Variants in TMEM154 observed in about 807,000 individuals in gnomAD.
TMEM154 encodes transmembrane protein 154.
TMEM154 carries 27 observed loss-of-function variants against 24.5 expected under a neutral mutation model. The ratio of observed to expected loss-of-function variants is 1.10; its 90% CI spans 0.81 to 1.52. The LOEUF is 1.52. TMEM154 is among the 40% of genes most tolerant of loss of function. The pLI is 0.00. For synonymous variants in TMEM154, 67 were observed against 76.8 expected, an observed-to-expected ratio of 0.87 and a Z score of 0.67; for missense variants, 228 against 213.4, an observed-to-expected ratio of 1.07 and a Z score of -0.43.
At chr4:152,633,234 C>T (rs1428166450) in intron 6 of TMEM154, among the ~76,000 whole-genome samples, 1 of 152,168 alleles carries the variant, frequency 6.6e-6, no homozygotes, top group African/African-American at 2.4e-5. Context: ...GCTCTGTGGA[C>T]CGTGAGCAAC....
intron 1 of TMEM154, among the ~76,000 whole-genome samples, chr4:152,659,982 G>A (rs1266649701): frequency 6.6e-6 from 1 of 152,086 alleles, no homozygotes; most frequent in African/African-American, 2.4e-5. Flanking sequence ...TTGTGGCCAC[G>A]GTTGACCATG....
Position 152,652,663 on chromosome 4 carries a change from T to A in TMEM154, c.325+4A>T. On this transcript the variant is annotated splice_donor_region_variant and intron_variant, in intron 2 of 6. Transcript: ENST00000304385. The stretch of plus-strand genomic sequence containing the variant: ...CTGGAAATGGAAATACACCAAATAT[T>A]TACCTTGTTTAGTTCTTTTTCTTTT... 6.2e-7 allele frequency: 1 copy of A among 1,613,428 alleles called. No individual in the cohort carries two copies. The highest frequency in any genetic ancestry group is 1.1e-5 in the South Asian group (1 of 90,932).
chr4:152,651,223 T>C (rs1289911191), intron 3 of TMEM154, among the ~76,000 whole-genome samples: 3 of 151,274 alleles, frequency 2.0e-5, no homozygotes, highest in African/African-American at 7.3e-5. Flanking sequence ...GGTTTCACCA[T>C]GTTAGCCAGG....
intron 1 of TMEM154, among the ~76,000 whole-genome samples, chr4:152,660,865 GA>G (rs1728588050): frequency 6.6e-6 from 1 of 152,200 alleles, no homozygotes; most frequent in African/African-American, 2.4e-5. Flanking sequence ...TGCGTTGCCA[GA>G]AAAGCTGCCC....
intron 1 of TMEM154, among the ~76,000 whole-genome samples, chr4:152,657,192 AAG>A (rs1728508500): frequency 6.7e-6 from 1 of 149,050 alleles, no homozygotes; most frequent in Non-Finnish European, 1.5e-5. Context: ...CAAGAAGGCA[AAG>A]AGAAAATGAG....
chr4:152,668,926 G>C (rs963865279), intron 1 of TMEM154: 3 of 152,176 alleles, frequency 2.0e-5, no homozygotes, highest in Non-Finnish European at 4.4e-5. Flanking sequence ...AAGCAACTGG[G>C]CTTCTGGTCC....
intron 5 of TMEM154, 28 bp downstream of exon 5, chr4:152,643,058 GAA>G: frequency 1.3e-6 from 2 of 1,554,216 alleles, no homozygotes; most frequent in Non-Finnish European, 1.8e-6. Flanking sequence ...AGAGAGGAAA[GAA>G]AAAAAACAAC....
At chr4:152,678,436 T>A (rs565444693) in intron 1 of TMEM154, among the ~76,000 whole-genome samples, 2 of 150,744 alleles carry the variant, frequency 1.3e-5, no homozygotes, top group South Asian at 4.2e-4. Flanking sequence ...ATAGAAGAGG[T>A]GGAAGGAGGA....
chr4:152,634,698 A>G (rs890964687), intron 6 of TMEM154, among the ~76,000 whole-genome samples: 2 of 152,296 alleles, frequency 1.3e-5, no homozygotes, highest in Admixed American at 1.3e-4. Context: ...TGTTTTAATA[A>G]TATTATTTGA....
In TMEM154 at chr4:152,634,031, CAAAAAAAAAAAAAA is replaced by C. The variant is rs1167923301; in HGVS notation, c.537-5484_537-5471del. 2.9e-4 allele frequency among the ~76,000 whole-genome samples: 6 copies of C among 20,402 alleles called. No individual in the cohort carries two copies. In the East Asian group the frequency reaches 6.6e-3, roughly 23 times the overall value. 13.4% of individuals were successfully genotyped at this position (20,402 alleles called of 152,430 possible). ...TGGGCAAGAGAGTGAGACCCCATCTCAAAAAAAAAAAAAAAAAAAAAAAAAAGAAAGTGGAACAC... is the reference window on the plus strand; with the variant it reads ...TGGGCAAGAGAGTGAGACCCCATCTCAAAAAAAAAAAAGAAAGTGGAACAC... On this transcript the variant is annotated intron_variant, in intron 6 of 6. Transcript: ENST00000304385.
At chr4:152,666,079 G>T (rs1327152874) in intron 1 of TMEM154, among the ~76,000 whole-genome samples, 1 of 152,066 alleles carries the variant, frequency 6.6e-6, no homozygotes, top group African/African-American at 2.4e-5. Context: ...GAGCCACCAA[G>T]TCCTACCAGA....
chr4:152,629,966 C>A (rs1256207764), intron 6 of TMEM154, among the ~76,000 whole-genome samples: 2 of 151,944 alleles, frequency 1.3e-5, no homozygotes, highest in African/African-American at 4.8e-5. Flanking sequence ...GAGAGAAGAA[C>A]AATGGGAAAG....
intron 1 of TMEM154, among the ~76,000 whole-genome samples, chr4:152,677,610 G>A (rs1228772010): frequency 1.3e-5 from 2 of 152,134 alleles, no homozygotes; most frequent in African/African-American, 4.8e-5. Flanking sequence ...TTATTCAACA[G>A]CTTTTTGCAA....
At position 152,619,828 on chromosome 4, in the gene TMEM154, A is replaced by G. The variant is rs1579501791; in HGVS notation, c.*8718T>C. On this transcript the variant is annotated 3_prime_UTR_variant, in exon 7 of 7. Transcript: ENST00000304385. ...CTGCCCAGCCAATGCCGTGTGGGAG[A>G]GAGTTGAACCATTTGCACTGAGCCT... 6.6e-6 allele frequency: 1 copy of G among 152,184 alleles called. No individual in the cohort carries two copies. Among genetic ancestry groups the G allele is most frequent in the Non-Finnish European group, 1.5e-5 (1 of 68,036 alleles). 9.4% of individuals were successfully genotyped at this position (152,184 alleles called of 1,614,324 possible). A position where few individuals can be genotyped will look rare whatever the true frequency, so the allele number is the denominator to read the frequency against.
chr4:152,657,939 G>A (rs1333147175), intron 1 of TMEM154, among the ~76,000 whole-genome samples: 1 of 152,054 alleles, frequency 6.6e-6, no homozygotes, highest in East Asian at 1.9e-4. Flanking sequence ...AAAGCTGAGG[G>A]AATTCGTTAC....
intron 1 of TMEM154, among the ~76,000 whole-genome samples, chr4:152,677,351 T>A (rs1020404538): frequency 2.0e-5 from 3 of 152,168 alleles, no homozygotes; most frequent in African/African-American, 7.2e-5. Flanking sequence ...AATAAAGGCT[T>A]AATTTGAGAT....
chr4:152,638,535 A>G (rs984359419), intron 6 of TMEM154, among the ~76,000 whole-genome samples: 2 of 152,160 alleles, frequency 1.3e-5, no homozygotes, highest in Non-Finnish European at 2.9e-5. Flanking sequence ...TTTTTAATCC[A>G]GTGAGCTGGG....
intron 6 of TMEM154, among the ~76,000 whole-genome samples, chr4:152,637,810 A>G (rs931273565): frequency 2.8e-4 from 43 of 152,230 alleles, no homozygotes; most frequent in Admixed American, 1.3e-4. Flanking sequence ...TTAGAGAAAA[A>G]AGAAATCTTA....
intron 1 of TMEM154, among the ~76,000 whole-genome samples, chr4:152,673,690 G>C (rs1029017974): frequency 6.6e-6 from 1 of 152,108 alleles, no homozygotes; most frequent in Non-Finnish European, 1.5e-5. Flanking sequence ...CATGACTTTT[G>C]AGACTGATTC....
Sources: allele counts gnomAD v4.1 joint callset (sites outside exome capture counted in the v4.1 genomes callset), GRCh38; gene constraint gnomAD v4.1.1; transcripts MANE v1.5; gene names NCBI Gene and HGNC (gene_info 2026-07-23, HGNC 2026-07-21).